AMMECR1: variants seen among roughly 807,000 people sequenced by gnomAD.
AMMECR1 encodes the protein AMMECR nuclear protein 1, also known as nuclear protein AMMECR1.
A neutral mutation model predicts 22.5 loss-of-function variants in AMMECR1; 3 were observed. The ratio of observed to expected loss-of-function variants is 0.13; its 90% CI spans 0.06 to 0.35. The LOEUF is 0.35. Among genes scored for constraint, AMMECR1 ranks in the 10% least tolerant of loss-of-function variants. The pLI, the probability that AMMECR1 is intolerant of heterozygous loss-of-function variation, is 1.00. For missense variants in AMMECR1, 235 were observed against 278.7 expected, an observed-to-expected ratio of 0.84 and a Z score of 1.12; for synonymous variants, 130 against 116.7, an observed-to-expected ratio of 1.11 and a Z score of -0.74.
At position 110,370,489 on chromosome X, in the gene AMMECR1, G is replaced by A. The variant is rs756863384; in HGVS notation, c.-147-52640C>T. Reference sequence around the variant, plus strand: ...CTCCCAAAGTGCTGGGATTACAAGCGTGAGCCACTGCGCCCGGCCTATTCT... The same window carrying A: ...CTCCCAAAGTGCTGGGATTACAAGCATGAGCCACTGCGCCCGGCCTATTCT... On this transcript the variant is annotated intron_variant, in intron 2 of 7. Transcript: ENST00000372057. Among the ~76,000 whole-genome samples the A allele has an allele frequency of 1.5e-3, 166 of 112,572 alleles. 1 individual carries two copies. Among genetic ancestry groups the A allele is most frequent in the African/African-American group, 5.2e-3 (161 of 31,035 alleles).
intron 2 of AMMECR1, among the ~76,000 whole-genome samples, chrX:110,335,170 T>A (rs2068136326): frequency 9.0e-6 from 1 of 111,362 alleles, no homozygotes; most frequent in Non-Finnish European, 1.9e-5. Flanking sequence ...TTCAATCATA[T>A]AATGAATGTA....
intron 1 of AMMECR1, among the ~76,000 whole-genome samples, chrX:110,283,976 G>T (rs1438888289): frequency 9.0e-6 from 1 of 110,571 alleles, no homozygotes; most frequent in Non-Finnish European, 1.9e-5. Context: ...ACAAAAATTA[G>T]CTGGGCGTGG....
chrX:110,250,771 C>T (rs2067682695), intron 2 of AMMECR1, among the ~76,000 whole-genome samples: 1 of 111,782 alleles, frequency 8.9e-6, no homozygotes, highest in Admixed American at 9.5e-5. Context: ...ATGCCCATTA[C>T]TCAGGAGATT....
chrX:110,288,821 T>C (rs751381945), intron 1 of AMMECR1, among the ~76,000 whole-genome samples: 2 of 112,177 alleles, frequency 1.8e-5, no homozygotes, highest in Admixed American at 1.9e-4. Context: ...CAATAATGAC[T>C]CTGATTTAAA....
At chrX:110,378,008 CAAAA>C (rs755483656) in intron 2 of AMMECR1, among the ~76,000 whole-genome samples, 17 of 30,943 alleles carry the variant, frequency 5.5e-4, no homozygotes, top group African/African-American at 1.9e-3. Context: ...GACTCCGTCT[CAAAA>C]AAAAAAAAAA....
intron 3 of AMMECR1, among the ~76,000 whole-genome samples, chrX:110,210,501 A>G (rs898908342): frequency 5.4e-5 from 6 of 111,790 alleles, no homozygotes; most frequent in African/African-American, 2.0e-4. Flanking sequence ...GGGTGACTTC[A>G]TGAGTCATGC....
chrX:110,250,632 C>A (rs189574671), intron 2 of AMMECR1, among the ~76,000 whole-genome samples: 1 of 112,195 alleles, frequency 8.9e-6, no homozygotes, highest in East Asian at 2.8e-4. Flanking sequence ...TCTTTGACTT[C>A]TAGCACTTCG....
chrX:110,386,999 G>C (rs1318394091), intron 2 of AMMECR1, among the ~76,000 whole-genome samples: 1 of 112,542 alleles, frequency 8.9e-6, no homozygotes, highest in Non-Finnish European at 1.9e-5. Flanking sequence ...GCATGGAAAA[G>C]AATTGCTATG....
chrX:110,433,527 C>T (rs1436625650), intron 1 of AMMECR1, among the ~76,000 whole-genome samples: 2 of 111,472 alleles, frequency 1.8e-5, no homozygotes, highest in African/African-American at 6.5e-5. Flanking sequence ...CTAATAAACA[C>T]CAGGCACATT....
chrX:110,304,971 A>G (rs957232804), intron 1 of AMMECR1, among the ~76,000 whole-genome samples: 1 of 112,488 alleles, frequency 8.9e-6, no homozygotes, highest in Non-Finnish European at 1.9e-5. Flanking sequence ...TCTCCTGTAC[A>G]ATCTTAGCCC....
At chrX:110,433,504 A>G (rs1447378159) in intron 1 of AMMECR1, among the ~76,000 whole-genome samples, 1 of 111,736 alleles carries the variant, frequency 8.9e-6, no homozygotes, top group Admixed American at 9.5e-5. Context: ...AAGGAAGGGA[A>G]AAACTGGAGC....
intron 2 of AMMECR1, among the ~76,000 whole-genome samples, chrX:110,376,458 C>T (rs932310612): frequency 9.0e-6 from 1 of 111,121 alleles, no homozygotes; most frequent in African/African-American, 3.3e-5. Context: ...TTCTATTAGC[C>T]CAAGTGAGTT....
chrX:110,379,807 C>T (rs2068405844), intron 2 of AMMECR1, among the ~76,000 whole-genome samples: 1 of 112,118 alleles, frequency 8.9e-6, no homozygotes, highest in Non-Finnish European at 1.9e-5. Flanking sequence ...CATGGATGGC[C>T]TTTGAGTGGT....
At chrX:110,217,959 A>G (rs1403929567) in intron 2 of AMMECR1, among the ~76,000 whole-genome samples, 1 of 111,415 alleles carries the variant, frequency 9.0e-6, no homozygotes, top group Non-Finnish European at 1.9e-5. Context: ...ATATATGTAT[A>G]AAAGTATATA....
chrX:110,216,328 C>T (rs1352385798), intron 3 of AMMECR1, among the ~76,000 whole-genome samples, 190 bp downstream of exon 3: 1 of 111,750 alleles, frequency 8.9e-6, no homozygotes, highest in South Asian at 3.8e-4. Context: ...TATAACAACA[C>T]GTGGCACTTT....
intron 2 of AMMECR1, among the ~76,000 whole-genome samples, chrX:110,406,065 G>A (rs1346501347): frequency 9.1e-6 from 1 of 110,128 alleles, no homozygotes; most frequent in Admixed American, 9.7e-5. Context: ...CTCCACCCCC[G>A]ACTCCCCAAA....
intron 2 of AMMECR1, among the ~76,000 whole-genome samples, chrX:110,397,021 AT>A (rs1166974437): frequency 6.3e-5 from 7 of 111,589 alleles, no homozygotes; most frequent in Non-Finnish European, 1.3e-4. Flanking sequence ...CGGAGCCCAC[AT>A]TTCTCCTGTC....
intron 1 of AMMECR1, among the ~76,000 whole-genome samples, chrX:110,297,582 T>G (rs2067943898): frequency 9.0e-6 from 1 of 111,717 alleles, no homozygotes; most frequent in African/African-American, 3.2e-5. Context: ...AATCTAACTT[T>G]TTTTTTTAAC....
intron 2 of AMMECR1, among the ~76,000 whole-genome samples, chrX:110,231,046 C>T (rs2067562795): frequency 8.9e-6 from 1 of 112,050 alleles, no homozygotes; most frequent in African/African-American, 3.2e-5. Flanking sequence ...ACCAAATCTA[C>T]GTGTGATTGG....
Sources: allele counts gnomAD v4.1 joint callset (sites outside exome capture counted in the v4.1 genomes callset), GRCh38; gene constraint gnomAD v4.1.1; transcripts MANE v1.5; gene names NCBI Gene and HGNC (gene_info 2026-07-23, HGNC 2026-07-21).